GPBP1: variants seen among roughly 807,000 people sequenced by gnomAD.
GPBP1 encodes the protein vasculin.
Under a neutral mutation model 56.5 loss-of-function variants are expected in GPBP1, and 13 were observed. That is an observed-to-expected ratio of 0.23 (90% CI 0.15 to 0.37). The LOEUF (loss-of-function observed/expected upper bound fraction) is 0.37. GPBP1 is among the 10% of genes least tolerant of loss of function. GPBP1 has a pLI of 1.00. For missense variants in GPBP1, 477 were observed against 572.3 expected (o/e 0.83, Z 1.70); for synonymous variants, 204 against 188.9 (o/e 1.08, Z -0.66).
intron 2 of GPBP1, among the ~76,000 whole-genome samples, chr5:57,203,363 C>G (rs925769416): frequency 6.6e-6 from 1 of 152,060 alleles, no homozygotes; most frequent in Non-Finnish European, 1.5e-5. Flanking sequence ...GGGTATGGCG[C>G]TGTGGCTCAC....
intron 6 of GPBP1, among the ~76,000 whole-genome samples, chr5:57,237,755 C>A (rs973940083): frequency 6.6e-6 from 1 of 151,510 alleles, no homozygotes; most frequent in Admixed American, 6.6e-5. Flanking sequence ...CTGAGGAAGA[C>A]GAGAATTTTA....
intron 3 of GPBP1, among the ~76,000 whole-genome samples, chr5:57,216,835 A>AT (rs1755718217): frequency 6.7e-6 from 1 of 149,970 alleles, no homozygotes; most frequent in African/African-American, 2.5e-5. Flanking sequence ...CCTTATGAAC[A>AT]TTTTTTCAAA....
At chr5:57,226,447 T>C (rs1217180316) in intron 3 of GPBP1, among the ~76,000 whole-genome samples, 2 of 151,886 alleles carry the variant, frequency 1.3e-5, no homozygotes, top group Non-Finnish European at 2.9e-5. Context: ...TATGAGTTAC[T>C]AACAGTGGAA....
At chr5:57,199,439 T>C (rs1180799758) in intron 2 of GPBP1, among the ~76,000 whole-genome samples, 5 of 152,034 alleles carry the variant, frequency 3.3e-5, no homozygotes, top group Admixed American at 6.6e-5. Flanking sequence ...GTGTATTGGG[T>C]TAGCCCTGGA....
Position 57,250,193 on chromosome 5 carries a change from G to A in GPBP1, c.972+617G>A, listed in dbSNP as rs1275477351. Among the ~76,000 whole-genome samples the A allele has an allele frequency of 4.6e-5, 7 of 151,046 alleles. No individual in the cohort carries two copies. The South Asian group carries it at 8.4e-4, about 18-fold the overall frequency. ...TAATTTTTTCATTTTTTGTAGAGAC[G>A]GGGTTTCACCACGTTGGCCAGACTG... On this transcript the variant is annotated intron_variant, in intron 9 of 11. Transcript: ENST00000506184.
At position 57,214,486 on chromosome 5, in the gene GPBP1, G is replaced by A. The variant is rs28373842; in HGVS notation, c.63+293G>A. Among the ~76,000 whole-genome samples, 600 of 152,196 alleles carry A rather than the reference G, an allele frequency of 3.9e-3. 7 individuals are homozygous for A. Among genetic ancestry groups the A allele is most frequent in the African/African-American group, 0.013 (553 of 41,532 alleles). ...TGTATTCCCAGCTATTCAAGAGGCT[G>A]AGGTGGGAGAATCACTTGAATCTGG... On this transcript the variant is annotated intron_variant, in intron 3 of 11. Transcript: ENST00000506184.
chr5:57,210,594 A>G (rs1755434031), intron 2 of GPBP1, among the ~76,000 whole-genome samples: 1 of 152,160 alleles, frequency 6.6e-6, no homozygotes, highest in Admixed American at 6.6e-5. Context: ...GTGTATGTGT[A>G]AAGGAAATAT....
intron 2 of GPBP1, among the ~76,000 whole-genome samples, chr5:57,181,766 G>T (rs1156986594): frequency 6.6e-6 from 1 of 152,060 alleles, no homozygotes; most frequent in Non-Finnish European, 1.5e-5. Context: ...ATAATTTTGT[G>T]GGCATTTCAG....
At chr5:57,202,611 A>C (rs1487656328) in intron 2 of GPBP1, among the ~76,000 whole-genome samples, 6 of 152,036 alleles carry the variant, frequency 3.9e-5, no homozygotes, top group Non-Finnish European at 7.4e-5. Flanking sequence ...TAAAAAGCTT[A>C]TCTATCATTT....
Position 57,231,241 on chromosome 5 carries a change from C to T in GPBP1, c.331C>T (p.His111Tyr), listed in dbSNP as rs754720499. 4 of 1,613,982 alleles carry T rather than the reference C, an allele frequency of 2.5e-6. No homozygotes were observed. Among genetic ancestry groups the T allele is most frequent in the African/African-American group, 2.7e-5 (2 of 74,918 alleles). Residue 111 changes from histidine (H) to tyrosine (Y), a missense_variant, in exon 5 of 12, where the codon CAT becomes TAT. Around this residue, in one of 2 missense-constraint regions of GPBP1, gnomAD observed 414 missense variants for 458.2 expected, o/e 0.90. Coordinates refer to ENST00000506184, the MANE Select transcript of GPBP1 (RefSeq NM_022913.4). ...CCATGCAGGAAAAAGCCAAGGACTA[C>T]ATGAAAACAACATACCTGACAATGA... ...IFHAGKSQGL[H>Y]ENNIPDNETG...
At chr5:57,202,066 T>C (rs1161339674) in intron 2 of GPBP1, among the ~76,000 whole-genome samples, 4 of 152,192 alleles carry the variant, frequency 2.6e-5, no homozygotes, top group African/African-American at 9.7e-5. Context: ...CGATCATTGC[T>C]CACTGTAGCC....
At chr5:57,178,871 G>T (rs997616391) in intron 2 of GPBP1, among the ~76,000 whole-genome samples, 1 of 151,860 alleles carries the variant, frequency 6.6e-6, no homozygotes, top group Non-Finnish European at 1.5e-5. Context: ...TTGCTTTTTT[G>T]TCCCTTTCTA....
chr5:57,228,825 A>G (rs1031405984), intron 3 of GPBP1, among the ~76,000 whole-genome samples: 2 of 152,068 alleles, frequency 1.3e-5, no homozygotes, highest in Non-Finnish European at 1.5e-5. Context: ...AACTAACCAT[A>G]AAGACTTAAA....
intron 3 of GPBP1, among the ~76,000 whole-genome samples, chr5:57,221,556 A>G (rs1293229356): frequency 6.6e-6 from 1 of 152,230 alleles, no homozygotes; most frequent in African/African-American, 2.4e-5. Flanking sequence ...TGGTATTAAA[A>G]GGGTAGATGA....
chr5:57,174,751 A>T (rs1448434410), intron 1 of GPBP1, among the ~76,000 whole-genome samples: 1 of 152,064 alleles, frequency 6.6e-6, no homozygotes, highest in African/African-American at 2.4e-5. Flanking sequence ...TGCATTTTTG[A>T]GAGAGAACCA....
intron 2 of GPBP1, among the ~76,000 whole-genome samples, chr5:57,208,432 C>T (rs1260372162): frequency 6.6e-6 from 1 of 151,982 alleles, no homozygotes; most frequent in African/African-American, 2.4e-5. Context: ...CGGGGTTCAC[C>T]ATGTTGCCCA....
intron 8 of GPBP1, among the ~76,000 whole-genome samples, chr5:57,248,224 A>G (rs962277727): frequency 6.6e-6 from 1 of 152,102 alleles, no homozygotes; most frequent in African/African-American, 2.4e-5. Context: ...GGAACAAGAG[A>G]GAAAGGTATG....
At chr5:57,221,417 A>G in intron 3 of GPBP1, 1 of 1,463,140 alleles carries the variant, frequency 6.8e-7, no homozygotes, top group Non-Finnish European at 9.3e-7. Flanking sequence ...CTGAAAGAAT[A>G]TTGAACAGAT....
intron 3 of GPBP1, among the ~76,000 whole-genome samples, chr5:57,224,125 G>T (rs1020499319): frequency 2.0e-5 from 3 of 151,880 alleles, no homozygotes; most frequent in Admixed American, 2.0e-4. Flanking sequence ...GAGCCACCGC[G>T]CCCGGCCTTA....
Sources: allele counts gnomAD v4.1 joint callset (sites outside exome capture counted in the v4.1 genomes callset), GRCh38; gene constraint gnomAD v4.1.1; regional missense constraint gnomAD v4.1.1; transcripts MANE v1.5; gene names NCBI Gene and HGNC (gene_info 2026-07-23, HGNC 2026-07-21).